The following KIF15 variants were observed in gnomAD, a reference collection of about 807,000 sequenced individuals.
KIF15 encodes the protein kinesin family member 15.
KIF15 carries 140 observed loss-of-function variants against 190.6 expected under a neutral mutation model. The observed-to-expected ratio is 0.73, with a 90% CI of 0.64 to 0.84. The LOEUF is 0.84. Among genes scored for constraint, KIF15 ranks in the 40% least tolerant of loss-of-function variants. The pLI is 0.00. For missense variants in KIF15, 1,372 were observed against 1,584.4 expected, an observed-to-expected ratio of 0.87 and a Z score of 2.28; for synonymous variants, 528 against 551.3, an observed-to-expected ratio of 0.96 and a Z score of 0.59.
At chr3:44,814,376 C>G (rs1707933997) in intron 19 of KIF15, among the ~76,000 whole-genome samples, 1 of 152,088 alleles carries the variant, frequency 6.6e-6, no homozygotes, top group African/African-American at 2.4e-5. Context: ...TGGGTGCAAT[C>G]TCGGCTCACT....
intron 18 of KIF15, among the ~76,000 whole-genome samples, chr3:44,812,665 G>T (rs753082297): frequency 6.6e-6 from 1 of 152,138 alleles, no homozygotes; most frequent in Non-Finnish European, 1.5e-5. Flanking sequence ...GGTCAGAGAC[G>T]TTAAAGCTAG....
At chr3:44,852,638 A>AT (rs748407952) in intron 34 of KIF15, 35 bp from the exon 35 acceptor site, 39 of 1,483,132 alleles carry the variant, frequency 2.6e-5, no homozygotes, top group East Asian at 1.4e-4. Context: ...TTAGAGCCTT[A>AT]TTTTTTTTCT....
chr3:44,850,315 A>G (rs1699018245), intron 32 of KIF15, among the ~76,000 whole-genome samples: 1 of 152,196 alleles, frequency 6.6e-6, no homozygotes, highest in Non-Finnish European at 1.5e-5. Flanking sequence ...GCTCCTAGCT[A>G]ATTAGTGGTA....
intron 6 of KIF15, chr3:44,865,115 G>A (rs771885101): frequency 9.3e-6 from 15 of 1,613,948 alleles, no homozygotes; most frequent in South Asian, 4.4e-5. Context: ...TATTCTCTGC[G>A]GACTCACCCT....
intron 6 of KIF15, chr3:44,865,395 C>CCTG: frequency 1.7e-6 from 1 of 593,250 alleles, no homozygotes; most frequent in Non-Finnish European, 2.9e-6. Flanking sequence ...CTGTACAGTG[C>CCTG]TTTGGATTCT....
Position 44,851,853 on chromosome 3 carries a change from C to T in KIF15, c.3873C>T (p.Val1291=), listed in dbSNP as rs1469896804. The change falls in exon 33 of 35, where the codon GTC becomes GTT. Residue 1291 remains valine, a synonymous_variant. Coordinates refer to ENST00000326047, the MANE Select transcript of KIF15 (RefSeq NM_020242.3). ...AATGCCTTAGAATGACTGATGAAGT[C>T]GAACGAACCCAAACTTTGGAGTCTA... ...EMECLRMTDE[V]ERTQTLESKA... is the part of the protein sequence containing the mutation. 9.3e-6 allele frequency: 15 copies of T among 1,613,912 alleles called. No individual in the cohort carries two copies. The highest frequency in any genetic ancestry group is 2.2e-5 in the East Asian group (1 of 44,874).
rs369445825 is a variant in KIF15 at position 44,838,352 on chromosome 3, G to A, written c.3249G>A (p.Ser1083=). 2.2e-5 allele frequency: 35 copies of A among 1,613,830 alleles called. No individual in the cohort carries two copies. The highest frequency in any genetic ancestry group is 2.7e-5 in the African/African-American group (2 of 74,868). The change falls in exon 27 of 35, where the codon TCG becomes TCA. Residue 1083 remains serine, a synonymous_variant. Transcript: ENST00000326047. ...TCACAGAGGCCTCAAAAAAACACTC[G>A]GGGCTGCTGCAGTCTGCCCAGGAAG... ...NMLTEASKKH[S]GLLQSAQEEL...
intron 1 of KIF15, among the ~76,000 whole-genome samples, chr3:44,768,998 ATTGT>A (rs1048202771): frequency 4.6e-5 from 7 of 152,184 alleles, no homozygotes; most frequent in African/African-American, 1.7e-4. Flanking sequence ...CAAAAGCCTG[ATTGT>A]TAAAAGTTAA....
chr3:44,778,366 AG>A (rs1420484209), intron 4 of KIF15, among the ~76,000 whole-genome samples, 175 bp downstream of exon 4: 1 of 152,244 alleles, frequency 6.6e-6, no homozygotes, highest in Non-Finnish European at 1.5e-5. Flanking sequence ...AGGCGTCAGC[AG>A]GGATGCAATT....
chr3:44,850,260 T>G (rs1165610047), intron 32 of KIF15, among the ~76,000 whole-genome samples: 1 of 152,170 alleles, frequency 6.6e-6, no homozygotes, highest in African/African-American at 2.4e-5. Flanking sequence ...AGAGTATACA[T>G]AGGAAAACAG....
chr3:44,860,866 A>G (rs1575700600), intron 6 of KIF15, among the ~76,000 whole-genome samples: 1 of 152,228 alleles, frequency 6.6e-6, no homozygotes, highest in Non-Finnish European at 1.5e-5. Context: ...TTAACTATAT[A>G]TAACTAAATA....
Position 44,761,894 on chromosome 3 carries a change from G to T in KIF15, c.19+10G>T, listed in dbSNP as rs1490145987. 6.2e-7 allele frequency: 1 copy of T among 1,614,154 alleles called. No homozygotes were observed. The highest frequency in any genetic ancestry group is 2.2e-5 in the East Asian group (1 of 44,880). ...GCACCCGGCTGCAAAAGTAAGTCTG[G>T]GCCCCCGGCTTCGTTACCCTATTTT... On this transcript the variant is annotated intron_variant, in intron 1 of 34. Transcript: ENST00000326047.
intron 6 of KIF15, among the ~76,000 whole-genome samples, chr3:44,786,172 C>T (rs1037415565): frequency 7.9e-5 from 12 of 152,084 alleles, no homozygotes; most frequent in Non-Finnish European, 1.2e-4. Flanking sequence ...GCCAAGATCG[C>T]GCCACTGCAC....
intron 30 of KIF15, among the ~76,000 whole-genome samples, chr3:44,844,057 A>G (rs1698733283): frequency 6.6e-6 from 1 of 152,174 alleles, no homozygotes; most frequent in Non-Finnish European, 1.5e-5. Flanking sequence ...AAATTATGCA[A>G]GAAGTCGAAT....
downstream of KIF15, among the ~76,000 whole-genome samples, chr3:44,857,371 T>A (rs1373042254): frequency 6.6e-6 from 1 of 152,170 alleles, no homozygotes; most frequent in East Asian, 1.9e-4. Context: ...CTAAAAGTAT[T>A]AGGGCAGCAG....
At chr3:44,858,722 G>A (rs1342833702) in intron 6 of KIF15, among the ~76,000 whole-genome samples, 1 of 152,230 alleles carries the variant, frequency 6.6e-6, no homozygotes, top group African/African-American at 2.4e-5. Context: ...GTTGGCACCA[G>A]AGTTGGGGAG....
intron 26 of KIF15, among the ~76,000 whole-genome samples, chr3:44,837,699 T>A (rs1200958034): frequency 6.6e-6 from 1 of 152,180 alleles, no homozygotes; most frequent in Non-Finnish European, 1.5e-5. Context: ...GTATCTGCTC[T>A]AATTTGGGAG....
At chr3:44,795,903 C>T (rs769359547) in intron 8 of KIF15, among the ~76,000 whole-genome samples, 11 of 152,120 alleles carry the variant, frequency 7.2e-5, no homozygotes, top group Non-Finnish European at 1.3e-4. Context: ...CACTCTGTCA[C>T]CCAGCTGGAG....
chr3:44,799,420 A>C, intron 10 of KIF15: 1 of 444,692 alleles, frequency 2.2e-6, no homozygotes, highest in Non-Finnish European at 4.5e-6. Context: ...TGGGGCTGTC[A>C]CAGGGTGTTT....
Sources: allele counts gnomAD v4.1 joint callset (sites outside exome capture counted in the v4.1 genomes callset), GRCh38; gene constraint gnomAD v4.1.1; transcripts MANE v1.5; gene names NCBI Gene and HGNC (gene_info 2026-07-23, HGNC 2026-07-21).